LIMS1: variants seen among roughly 807,000 people sequenced by gnomAD.
The protein encoded by LIMS1 is LIM and senescent cell antigen-like-containing domain protein 1.
In LIMS1, 18 loss-of-function variants were observed where a neutral mutation model predicts 44.1. The ratio of observed to expected loss-of-function variants is 0.41; its 90% CI spans 0.28 to 0.61. LIMS1 has a LOEUF of 0.61. LIMS1 is among the 20% of genes least tolerant of loss of function. LIMS1 has a pLI of 0.32. For missense variants in LIMS1, 201 were observed against 422.0 expected (o/e 0.48, Z 4.59); for synonymous variants, 93 against 149.1 (o/e 0.62, Z 2.74).
intron 1 of LIMS1, among the ~76,000 whole-genome samples, chr2:108,595,590 T>C (rs1462357078): frequency 2.0e-5 from 3 of 152,232 alleles, no homozygotes; most frequent in African/African-American, 7.2e-5. Flanking sequence ...TTAACTATTT[T>C]CTTCAGTTTT....
At chr2:108,670,690 A>C (rs1335483275) in intron 2 of LIMS1, 91 bp from the exon 3 acceptor site, 2 of 1,173,236 alleles carry the variant, frequency 1.7e-6, no homozygotes, top group Non-Finnish European at 2.5e-6. Context: ...CTCTTAGTTT[A>C]GAAACATCTT....
chr2:108,578,359 A>G (rs1685747417), intron 1 of LIMS1, among the ~76,000 whole-genome samples: 1 of 152,152 alleles, frequency 6.6e-6, no homozygotes, highest in African/African-American at 2.4e-5. Context: ...TAATCTCTAC[A>G]TCCTTTCATA....
chr2:108,561,233 A>C (rs1685100253), intron 1 of LIMS1, among the ~76,000 whole-genome samples: 1 of 152,202 alleles, frequency 6.6e-6, no homozygotes, highest in Non-Finnish European at 1.5e-5. Flanking sequence ...TCCCACCAGC[A>C]GTGTATAGTG....
chr2:108,573,170 A>G (rs1028184516), intron 1 of LIMS1, among the ~76,000 whole-genome samples: 3 of 152,252 alleles, frequency 2.0e-5, no homozygotes, highest in African/African-American at 7.2e-5. Context: ...TCTATGTCAC[A>G]TTGGTAAGTT....
chr2:108,551,485 G>A (rs974505240), intron 1 of LIMS1, among the ~76,000 whole-genome samples: 45 of 97,320 alleles, frequency 4.6e-4, no homozygotes, highest in African/African-American at 1.3e-3. Flanking sequence ...ATATATGCGC[G>A]CGCGCGCACA....
rs1340044017 is a variant in LIMS1 at position 108,612,725 on chromosome 2, A to G, written c.33-46880A>G. Among the ~76,000 whole-genome samples the G allele has an allele frequency of 2.0e-5, 3 of 152,042 alleles. No individual in the cohort carries two copies. The East Asian group carries it at 5.8e-4, about 29-fold the overall frequency. On this transcript the variant is annotated intron_variant, in intron 1 of 9. Transcript: ENST00000544547. ...TCCTTTCAGAACCCTCAAACCGACC[A>G]TTCACAATATTCACGTGGACTAGGT...
chr2:108,645,480 ACTC>A (rs1261665460), intron 1 of LIMS1, among the ~76,000 whole-genome samples: 6 of 152,042 alleles, frequency 3.9e-5, no homozygotes, highest in African/African-American at 1.4e-4. Context: ...CCTTACAAGA[ACTC>A]CTGAAGGAAG....
At chr2:108,649,341 A>G (rs1690297045) in intron 1 of LIMS1, among the ~76,000 whole-genome samples, 1 of 152,226 alleles carries the variant, frequency 6.6e-6, no homozygotes, top group Non-Finnish European at 1.5e-5. Context: ...GCTGGAGTGG[A>G]TGTGGAGAAA....
chr2:108,572,950 C>T (rs1685534863), intron 1 of LIMS1, among the ~76,000 whole-genome samples: 1 of 152,176 alleles, frequency 6.6e-6, no homozygotes. Flanking sequence ...TGTTGCTGTT[C>T]CGCAGCTTCC....
chr2:108,637,097 ATATGTGTGTGTGTGTGTGTGTGTGTG>A (rs1294259507), intron 1 of LIMS1, among the ~76,000 whole-genome samples: 6 of 132,050 alleles, frequency 4.5e-5, no homozygotes, highest in African/African-American at 1.8e-4. Context: ...AAATATACAT[ATATGTGTGTGTGTGTGTGTGTGTGTG>A]TGTGTGTGTG....
intron 1 of LIMS1, among the ~76,000 whole-genome samples, chr2:108,612,434 G>T (rs374824690): frequency 6.6e-6 from 1 of 151,048 alleles, no homozygotes; most frequent in East Asian, 1.9e-4. Flanking sequence ...TGGTTTCAGC[G>T]TAGTTGCTAT....
chr2:108,579,555 A>C (rs930345314), intron 1 of LIMS1, among the ~76,000 whole-genome samples: 2 of 152,284 alleles, frequency 1.3e-5, no homozygotes, highest in Non-Finnish European at 2.9e-5. Flanking sequence ...ATATTAAAAT[A>C]CAATGAATTT....
At chr2:108,660,585 C>T (rs1691291333) in intron 2 of LIMS1, 1 of 305,700 alleles carries the variant, frequency 3.3e-6, no homozygotes, top group Admixed American at 4.7e-5. Context: ...AGGCACGTGC[C>T]ACCATGCCCG....
chr2:108,581,521 G>T (rs1446534682), intron 1 of LIMS1, among the ~76,000 whole-genome samples: 1 of 152,066 alleles, frequency 6.6e-6, no homozygotes, highest in African/African-American at 2.4e-5. Flanking sequence ...AAATTGTATT[G>T]TTCCTCAGAT....
In LIMS1 at chr2:108,674,162, C is replaced by T. The variant is rs551564735; in HGVS notation, c.530+1133C>T. Among the ~76,000 whole-genome samples, 22 of 150,814 alleles carry T rather than the reference C, an allele frequency of 1.5e-4. No individual in the cohort carries two copies. The East Asian group carries it at 3.6e-3, about 24-fold the overall frequency. ...CTAACACGGTGAAACCCCGTCTCTA[C>T]TAAAAAATACAAAAAAAATTAGCCG... is the stretch of plus-strand genomic sequence containing the variant. On this transcript the variant is annotated intron_variant, in intron 5 of 9. Coordinates refer to ENST00000544547, the Ensembl canonical transcript of LIMS1.
intron 2 of LIMS1, among the ~76,000 whole-genome samples, chr2:108,665,185 C>T: frequency 6.6e-6 from 1 of 152,190 alleles, no homozygotes; most frequent in Non-Finnish European, 1.5e-5. Context: ...TGTCATTAGG[C>T]AAGTTCATTG....
chr2:108,656,317 CTATAGATA>C (rs60622000), intron 1 of LIMS1, among the ~76,000 whole-genome samples: 35,622 of 139,526 alleles, frequency 0.26, 5,330 homozygotes, highest in Middle Eastern at 0.44. Context: ...ATCTATCTAT[CTATAGATA>C]GATAGATAGA....
rs975977606 is a variant in LIMS1 at position 108,570,299 on chromosome 2, G to A, written c.32+35705G>A. ...TACAAACATTAGCCAGCATGGTGGC[G>A]CGTGCCTGTAATCCCAGCTACTCGG... On this transcript the variant is annotated intron_variant, in intron 1 of 9. Coordinates refer to ENST00000544547, the Ensembl canonical transcript of LIMS1. Among the ~76,000 whole-genome samples, 14 of 152,072 alleles carry A rather than the reference G, an allele frequency of 9.2e-5. No homozygotes were observed. In the South Asian group the frequency reaches 1.0e-3, roughly 11 times the overall value.
rs369032684 is a variant in LIMS1, at chr2:108,667,553, T to A, written c.193-3228T>A. ...CAACCTTTTTTAAAAAAAAAAAAAA[T>A]ATATATATATATATATACTGCTGGG... On this transcript the variant is annotated intron_variant, in intron 2 of 9. Transcript: ENST00000544547. Among the ~76,000 whole-genome samples, 683 of 78,524 alleles carry A rather than the reference T, an allele frequency of 8.7e-3. 3 individuals are homozygous for A. The highest frequency in any genetic ancestry group is 0.019 in the Middle Eastern group (2 of 106). 51.5% of individuals were successfully genotyped at this position (78,524 alleles called of 152,430 possible). A position where few individuals can be genotyped will look rare whatever the true frequency, so the allele number is the denominator to read the frequency against.
Sources: allele counts gnomAD v4.1 joint callset (sites outside exome capture counted in the v4.1 genomes callset), GRCh38; gene constraint gnomAD v4.1.1; transcripts MANE v1.5; gene names NCBI Gene and HGNC (gene_info 2026-07-23, HGNC 2026-07-21).